AADACL3: variants seen among roughly 807,000 people sequenced by gnomAD.
The protein encoded by AADACL3 is arylacetamide deacetylase like 3, also known as arylacetamide deacetylase-like 3.
Under a neutral mutation model 13.6 loss-of-function variants are expected in AADACL3, and 13 were observed. That is an observed-to-expected ratio of 0.95 (90% CI 0.62 to 1.52). The LOEUF (loss-of-function observed/expected upper bound fraction) is 1.52. AADACL3 is among the 40% of genes most tolerant of loss of function. The pLI is 0.00. For missense variants in AADACL3, 519 were observed against 499.2 expected, an observed-to-expected ratio of 1.04 and a Z score of -0.38; for synonymous variants, 195 against 197.0, an observed-to-expected ratio of 0.99 and a Z score of 0.08.
chr1:12,718,508 T>G (rs1162184302), intron 1 of AADACL3, among the ~76,000 whole-genome samples: 2 of 152,186 alleles, frequency 1.3e-5, no homozygotes, highest in African/African-American at 2.4e-5. Context: ...TTAACTCTTT[T>G]TTTTTGAGCT....
chr1:12,725,813 T>C lies in AADACL3; in HGVS notation c.1041T>C (p.Asp347=), dbSNP rs376515788. The change falls in exon 4 of 4, where the codon GAT becomes GAC. Residue 347 remains aspartate, a synonymous_variant. Coordinates refer to ENST00000359318, the MANE Select transcript of AADACL3 (RefSeq NM_001103170.3). ...PETCIVSCEY[D]ALRDNSLLYK... is the part of the protein sequence containing the mutation. ...CCTGCATCGTGAGCTGTGAGTATGA[T>C]GCTCTCCGGGACAATTCACTGTTGT... 3 of 1,614,092 alleles carry C rather than the reference T, an allele frequency of 1.9e-6. No individual in the cohort carries two copies. Among genetic ancestry groups the C allele is most frequent in the Non-Finnish European group, 2.5e-6 (3 of 1,180,042 alleles).
At chr1:12,721,032 G>T in intron 3 of AADACL3, 86 bp downstream of exon 3, 1 of 315,528 alleles carries the variant, frequency 3.2e-6, no homozygotes. Flanking sequence ...ATGGGGGTGG[G>T]GGGTGGGGGA....
Position 12,725,234 on chromosome 1 carries a change from AC to A in AADACL3, c.464del (p.Pro155LeufsTer9). Reference protein sequence around the residue: ...VVLAVGYRKLPKHKFPVPVRD... With the variant: ...VVLAVGYRKLXKHKFPVPVRD... ...GATTCCTTTTTAGTTACCGCAAGTT[AC>A]CTAAGCATAAGTTTCCAGTGCCAGT... On this transcript the variant is annotated frameshift_variant, in exon 4 of 4. Transcript: ENST00000359318. LOFTEE classifies it low-confidence loss of function (END_TRUNC). 1.2e-6 allele frequency: 2 copies of A among 1,600,966 alleles called. No individual in the cohort carries two copies. The highest frequency in any genetic ancestry group is 8.5e-7 in the Non-Finnish European group (1 of 1,174,342).
rs1179808589 is a variant in AADACL3, at chr1:12,726,273, G to A, written c.*277G>A. On this transcript the variant is annotated 3_prime_UTR_variant, in exon 4 of 4. Transcript: ENST00000359318. ...CAATATTCAGTGGCCATTTGTGGGA[G>A]TGAATCAGCCGGTAAGAGCTGTTCT... is the stretch of plus-strand genomic sequence containing the variant. 2.2e-6 allele frequency: 1 copy of A among 453,648 alleles called. No individual in the cohort carries two copies. The highest frequency in any genetic ancestry group is 3.9e-6 in the Non-Finnish European group (1 of 254,010). 28.1% of individuals were successfully genotyped at this position (453,648 alleles called of 1,614,324 possible).
intron 1 of AADACL3, among the ~76,000 whole-genome samples, chr1:12,717,240 C>T (rs970329411): frequency 3.3e-5 from 5 of 152,104 alleles, no homozygotes; most frequent in Admixed American, 1.3e-4. Context: ...GAGAAGATCC[C>T]GGGAACTCTA....
intron 3 of AADACL3, among the ~76,000 whole-genome samples, chr1:12,722,312 G>A (rs1485565463): frequency 7.7e-6 from 1 of 130,690 alleles, no homozygotes; most frequent in East Asian, 2.5e-4. Context: ...GGGTGACAGA[G>A]TGAGATTCCG....
intron 3 of AADACL3, 132 bp downstream of exon 3, chr1:12,721,078 G>T: frequency 8.6e-6 from 5 of 583,680 alleles, no homozygotes; most frequent in Non-Finnish European, 1.5e-5. Flanking sequence ...GCCCAGAGGT[G>T]GGGATGGGCT....
Position 12,726,563 on chromosome 1 carries a change from C to T in AADACL3, c.*567C>T, listed in dbSNP as rs1638374053. On this transcript the variant is annotated 3_prime_UTR_variant, in exon 4 of 4. Transcript: ENST00000359318. ...TCAGCCTCTGGGATCAGAGTCTTCA[C>T]TGTCTGGGCTGGAAACTTTAAGATA... The T allele has an allele frequency of 6.5e-6, 1 of 152,734 alleles. No individual in the cohort carries two copies. Among genetic ancestry groups the T allele is most frequent in the African/African-American group, 2.4e-5 (1 of 41,420 alleles). 9.5% of individuals were successfully genotyped at this position (152,734 alleles called of 1,614,324 possible). A position where few individuals can be genotyped will look rare whatever the true frequency, so the allele number is the denominator to read the frequency against.
In AADACL3 at chr1:12,726,042, T is replaced by A. The variant is rs763514907; in HGVS notation, c.*46T>A. 4 of 1,558,894 alleles carry A rather than the reference T, an allele frequency of 2.6e-6. No homozygotes were observed. Among genetic ancestry groups the A allele is most frequent in the East Asian group, 2.2e-5 (1 of 44,472 alleles). Reference sequence around the variant, plus strand: ...TACTGCGGTGTGGATTCCACTGGCATCCAGCCTCCCACAGGGCTCTCTGTT... The same window carrying A: ...TACTGCGGTGTGGATTCCACTGGCAACCAGCCTCCCACAGGGCTCTCTGTT... On this transcript the variant is annotated 3_prime_UTR_variant, in exon 4 of 4. Coordinates refer to ENST00000359318, the MANE Select transcript of AADACL3 (RefSeq NM_001103170.3).
In AADACL3 at chr1:12,719,339, T is replaced by G. The variant is rs1648514258; in HGVS notation, c.169-136T>G. The G allele has an allele frequency of 3.7e-6, 3 of 804,548 alleles. No individual in the cohort carries two copies. The South Asian group carries it at 4.7e-5, about 12-fold the overall frequency. 49.8% of individuals were successfully genotyped at this position (804,548 alleles called of 1,614,324 possible). The stretch of plus-strand genomic sequence containing the variant: ...GTCCTGAGGGAACTGAGGGCTTGAG[T>G]AGGGCTGTAATCCAATCTGACTGCA... On this transcript the variant is annotated intron_variant, in intron 1 of 3. Transcript: ENST00000359318.
chr1:12,719,790 T>G (rs1450824581), intron 2 of AADACL3, 99 bp downstream of exon 2: 1 of 1,260,444 alleles, frequency 7.9e-7, no homozygotes, highest in Non-Finnish European at 1.1e-6. Context: ...ATGCTATTAT[T>G]ATCAGGGAAC....
chr1:12,725,385 C>T lies in AADACL3; in HGVS notation c.613C>T (p.Gln205Ter), dbSNP rs1638344592. ...GGAIAAVVCQ[Q>*]LVDRPDLPRI... The stretch of plus-strand genomic sequence containing the variant: ...GGCAATAGCCGCAGTGGTTTGTCAA[C>T]AACTTGTGGACAGGCCAGATCTGCC... Residue 205 changes from glutamine (Q) to a stop codon, truncating the protein, a stop_gained, in exon 4 of 4, where the codon CAA becomes TAA. Coordinates refer to ENST00000359318, the MANE Select transcript of AADACL3 (RefSeq NM_001103170.3). LOFTEE classifies it low-confidence loss of function (END_TRUNC). 1 of 1,614,028 alleles carries T rather than the reference C, an allele frequency of 6.2e-7. No homozygotes were observed. The highest frequency in any genetic ancestry group is 8.5e-7 in the Non-Finnish European group (1 of 1,180,022).
intron 2 of AADACL3, among the ~76,000 whole-genome samples, chr1:12,720,100 T>A (rs1295985159): frequency 6.6e-6 from 1 of 152,184 alleles, no homozygotes; most frequent in Non-Finnish European, 1.5e-5. Flanking sequence ...AACACAGCAT[T>A]TTGTTTCACA....
intron 2 of AADACL3, among the ~76,000 whole-genome samples, chr1:12,720,110 A>G (rs1648538610): frequency 6.6e-6 from 1 of 152,240 alleles, no homozygotes; most frequent in Admixed American, 6.5e-5. Context: ...TTTGTTTCAC[A>G]TCAGGTTTTG....
At chr1:12,720,421 G>A (rs931042076) in intron 2 of AADACL3, among the ~76,000 whole-genome samples, 2 of 152,136 alleles carry the variant, frequency 1.3e-5, no homozygotes, top group Non-Finnish European at 2.9e-5. Context: ...TTACATGCAG[G>A]CACTGTGAGA....
chr1:12,723,705 C>T (rs1371555479), intron 3 of AADACL3, among the ~76,000 whole-genome samples: 2 of 152,082 alleles, frequency 1.3e-5, no homozygotes, highest in Admixed American at 6.5e-5. Flanking sequence ...TTTTGAACTC[C>T]TGAGCTCAGG....
rs990591876 is a variant in AADACL3, at chr1:12,727,266, G to A, written c.*1270G>A. 6.6e-6 allele frequency: 1 copy of A among 152,236 alleles called. No individual in the cohort carries two copies. The highest frequency in any genetic ancestry group is 2.4e-5 in the African/African-American group (1 of 41,446). 9.4% of individuals were successfully genotyped at this position (152,236 alleles called of 1,614,324 possible). A position where few individuals can be genotyped will look rare whatever the true frequency, so the allele number is the denominator to read the frequency against. The stretch of plus-strand genomic sequence containing the variant: ...AGTCCTATGCCATCCTGAGAGTGGG[G>A]GGTGGAGTCAATTCACCTTGGTGCT... On this transcript the variant is annotated 3_prime_UTR_variant, in exon 4 of 4. Transcript: ENST00000359318.
At chr1:12,721,892 G>A (rs1024319137) in intron 3 of AADACL3, among the ~76,000 whole-genome samples, 3 of 152,214 alleles carry the variant, frequency 2.0e-5, no homozygotes, top group African/African-American at 4.8e-5. Context: ...GCCTGATGCA[G>A]CATCACACAC....
At chr1:12,720,789 T>C in intron 2 of AADACL3, 94 bp from the exon 3 acceptor site, 1 of 1,072,114 alleles carries the variant, frequency 9.3e-7, no homozygotes, top group East Asian at 2.7e-5. Flanking sequence ...CTAGTCGGCA[T>C]CGGCCCAAGT....
Sources: gnomAD v4.1 joint callset for allele counts (sites outside exome capture counted in the v4.1 genomes callset) on GRCh38, gnomAD v4.1.1 for gene constraint, MANE v1.5 for transcripts, NCBI Gene and HGNC (gene_info 2026-07-23, HGNC 2026-07-21) for gene names.